ESRRG: variants seen among roughly 807,000 people sequenced by gnomAD.
ESRRG encodes the protein estrogen related receptor gamma, also known as estrogen-related receptor gamma.
A neutral mutation model predicts 44.0 loss-of-function variants in ESRRG; 13 were observed. That is an observed-to-expected ratio of 0.30 (90% CI 0.19 to 0.47). The LOEUF (loss-of-function observed/expected upper bound fraction) is 0.47, where lower values mean the gene tolerates loss of function less well. Ranked by LOEUF, ESRRG falls within the 20% of genes least tolerant of loss-of-function variation. The pLI, the probability that ESRRG is intolerant of heterozygous loss-of-function variation, is 1.00. For missense variants in ESRRG, 395 were observed against 580.6 expected (o/e 0.68, Z 3.29); for synonymous variants, 215 against 214.6 (o/e 1.00, Z -0.02).
At chr1:216,897,728 C>T (rs991076210) in intron 2 of ESRRG, among the ~76,000 whole-genome samples, 1 of 152,080 alleles carries the variant, frequency 6.6e-6, no homozygotes, top group Admixed American at 6.6e-5. Context: ...GTTCAATTGC[C>T]TCAGTTCAAT....
chr1:216,920,750 A>G (rs564881847), intron 2 of ESRRG, among the ~76,000 whole-genome samples: 31 of 152,344 alleles, frequency 2.0e-4, no homozygotes, highest in African/African-American at 7.5e-4. Context: ...GATCCAGCAG[A>G]TAACTGAACA....
intron 2 of ESRRG, among the ~76,000 whole-genome samples, chr1:216,728,796 A>G (rs1182427212): frequency 1.4e-5 from 2 of 140,294 alleles, no homozygotes; most frequent in African/African-American, 2.7e-5. Context: ...AAGGACTAGT[A>G]AAAAAAAAAA....
At chr1:216,887,271 TA>T (rs1161589414) in intron 2 of ESRRG, among the ~76,000 whole-genome samples, 1 of 152,206 alleles carries the variant, frequency 6.6e-6, no homozygotes, top group African/African-American at 2.4e-5. Flanking sequence ...TTCAGCTACA[TA>T]TCAGTTAAGT....
chr1:216,665,416 T>C (rs12116490), intron 2 of ESRRG, among the ~76,000 whole-genome samples: 31,958 of 152,060 alleles, frequency 0.21, 4,326 homozygotes, highest in Non-Finnish European at 0.3. Flanking sequence ...TTGATGATAT[T>C]ATGCTAAGTG....
At chr1:216,576,771 G>T (rs2061755267) in intron 3 of ESRRG, among the ~76,000 whole-genome samples, 1 of 151,996 alleles carries the variant, frequency 6.6e-6, no homozygotes, top group Non-Finnish European at 1.5e-5. Flanking sequence ...GGGTAAGGTT[G>T]CTTCATCTGA....
chr1:216,711,193 G>A (rs1213342468), intron 1 of ESRRG, among the ~76,000 whole-genome samples: 1 of 152,158 alleles, frequency 6.6e-6, no homozygotes, highest in Non-Finnish European at 1.5e-5. Flanking sequence ...ATTGGCCACT[G>A]CAGGACAGCT....
chr1:216,589,524 T>G (rs562376613), intron 3 of ESRRG, among the ~76,000 whole-genome samples: 2 of 151,944 alleles, frequency 1.3e-5, no homozygotes, highest in Non-Finnish European at 2.9e-5. Context: ...TGGAAACCAG[T>G]CATAAATATA....
chr1:216,959,501 G>A (rs138062938), intron 1 of ESRRG: 1 of 152,088 alleles, frequency 6.6e-6, no homozygotes, highest in Non-Finnish European at 1.5e-5. Flanking sequence ...AGACCATCCT[G>A]GGCAGCATGG....
At chr1:216,564,026 T>C (rs577824765) in intron 5 of ESRRG, among the ~76,000 whole-genome samples, 193 bp downstream of exon 5, 120 of 152,204 alleles carry the variant, frequency 7.9e-4, no homozygotes, top group African/African-American at 2.8e-3. Context: ...GAACTCAAGG[T>C]GGTACCAATA....
At chr1:216,946,919 C>T (rs1311556954) in intron 1 of ESRRG, among the ~76,000 whole-genome samples, 1 of 151,912 alleles carries the variant, frequency 6.6e-6, no homozygotes, top group Non-Finnish European at 1.5e-5. Context: ...AGGCTGGTCT[C>T]GAACTCCTGA....
rs182103898 is a variant in ESRRG at position 216,521,534 on chromosome 1, A to T, written c.863-2113T>A. On this transcript the variant is annotated intron_variant, in intron 5 of 6. Transcript: ENST00000408911. ...TGCCTTAGTTTTCTTGTTCCTTTTC[A>T]TGCTCCCAAGTCGCAGTTTCTCTGC... is the stretch of plus-strand genomic sequence containing the variant. Among the ~76,000 whole-genome samples the T allele has an allele frequency of 4.2e-3, 633 of 152,022 alleles. 6 individuals carry two copies. Among genetic ancestry groups the T allele is most frequent in the African/African-American group, 0.013 (546 of 41,484 alleles).
intron 3 of ESRRG, among the ~76,000 whole-genome samples, chr1:216,615,609 C>T (rs1291946066): frequency 6.6e-6 from 1 of 152,186 alleles, no homozygotes; most frequent in African/African-American, 2.4e-5. Context: ...AAACATTAAT[C>T]TCCCCCTACC....
At chr1:216,956,710 T>C (rs2068025585) in intron 1 of ESRRG, among the ~76,000 whole-genome samples, 1 of 152,202 alleles carries the variant, frequency 6.6e-6, no homozygotes, top group African/African-American at 2.4e-5. Context: ...GAAGGAGCTA[T>C]CCTATCACAT....
chr1:216,969,010 C>A (rs2071063139), intron 1 of ESRRG, among the ~76,000 whole-genome samples: 1 of 152,074 alleles, frequency 6.6e-6, no homozygotes. Context: ...GAATTTTCTT[C>A]TTTGCTTCCA....
chr1:216,523,816 C>T lies in ESRRG; in HGVS notation c.863-4395G>A, dbSNP rs1379985494. On this transcript the variant is annotated intron_variant, in intron 5 of 6. Transcript: ENST00000408911. ...ATCATGGCATTGACTTGCCTGATCA[C>T]AGTTTTTGAACTGTAGTTTTTCTGT... Among the ~76,000 whole-genome samples, 4 of 148,800 alleles carry T rather than the reference C, an allele frequency of 2.7e-5. No individual in the cohort carries two copies. In the Admixed American group the frequency reaches 2.7e-4, roughly 10 times the overall value.
chr1:217,104,459 G>A (rs1049027836), intron 1 of ESRRG, among the ~76,000 whole-genome samples: 1 of 152,222 alleles, frequency 6.6e-6, no homozygotes. Flanking sequence ...CACCAGCCGA[G>A]TGGCCTTGGG....
At chr1:216,957,719 C>T (rs569914670) in intron 1 of ESRRG, among the ~76,000 whole-genome samples, 2 of 152,280 alleles carry the variant, frequency 1.3e-5, no homozygotes, top group African/African-American at 2.4e-5. Context: ...CACCCTCGGC[C>T]TCTTCAGTCT....
intron 1 of ESRRG, among the ~76,000 whole-genome samples, chr1:217,137,065 T>G (rs1015814061): frequency 9.9e-5 from 15 of 152,004 alleles, no homozygotes; most frequent in African/African-American, 3.6e-4. Flanking sequence ...GACTAGTAGC[T>G]GGGGGGGAGG....
At chr1:216,809,436 G>T (rs1448132308) in intron 2 of ESRRG, among the ~76,000 whole-genome samples, 1 of 151,654 alleles carries the variant, frequency 6.6e-6, no homozygotes, top group African/African-American at 2.4e-5. Flanking sequence ...GAAGCAGTAT[G>T]ATGAGTTACA....
Sources: gnomAD v4.1 joint callset for allele counts (sites outside exome capture counted in the v4.1 genomes callset) on GRCh38, gnomAD v4.1.1 for gene constraint, MANE v1.5 for transcripts, NCBI Gene and HGNC (gene_info 2026-07-23, HGNC 2026-07-21) for gene names.